PLS1: variants seen among roughly 807,000 people sequenced by gnomAD.
The protein encoded by PLS1 is plastin 1.
In PLS1, 32 loss-of-function variants were observed where a neutral mutation model predicts 73.7. The ratio of observed to expected loss-of-function variants is 0.43; its 90% CI spans 0.33 to 0.58. PLS1 has a LOEUF of 0.58. Ranked by LOEUF, PLS1 falls within the 20% of genes least tolerant of loss-of-function variation. The pLI, the probability that PLS1 is intolerant of heterozygous loss-of-function variation, is 0.04. For missense variants in PLS1, 633 were observed against 740.5 expected (o/e 0.85, Z 1.68); for synonymous variants, 217 against 261.3 (o/e 0.83, Z 1.63).
chr3:142,697,011 A>G lies in PLS1; in HGVS notation c.1257-942A>G, dbSNP rs139269611. Among the ~76,000 whole-genome samples, 14 of 152,230 alleles carry G rather than the reference A, an allele frequency of 9.2e-5. No homozygotes were observed. In the East Asian group the frequency reaches 2.1e-3, roughly 23 times the overall value. The stretch of plus-strand genomic sequence containing the variant: ...CTCAGAGAATGCAAAGTAATTTAAT[A>G]TGAACCTTAGCGAAACATAACTTAT... On this transcript the variant is annotated intron_variant, in intron 11 of 15. Transcript: ENST00000457734.
At chr3:142,599,476 C>A (rs982811426) in intron 1 of PLS1, among the ~76,000 whole-genome samples, 12 of 151,502 alleles carry the variant, frequency 7.9e-5, no homozygotes, top group Non-Finnish European at 1.5e-4. Context: ...ACTACAGGCG[C>A]CCGCCACCGC....
chr3:142,646,779 C>A (rs2036961634), intron 1 of PLS1, among the ~76,000 whole-genome samples: 1 of 152,208 alleles, frequency 6.6e-6, no homozygotes, highest in Non-Finnish European at 1.5e-5. Context: ...CTAGTTCATT[C>A]CTTTTTTGAT....
intron 1 of PLS1, among the ~76,000 whole-genome samples, chr3:142,620,370 A>C (rs1254672364): frequency 6.6e-6 from 1 of 151,882 alleles, no homozygotes; most frequent in East Asian, 1.9e-4. Context: ...CAGGTTATCC[A>C]CCCGTCTCAG....
rs767193246 is a variant in PLS1, at chr3:142,670,979, A to G, written c.235-14A>G. ...GATTATCTGATTCTCAATTTTACTT[A>G]TGTTCCATTCCAGCTAATGCAAGAA... On this transcript the variant is annotated splice_polypyrimidine_tract_variant and intron_variant, in intron 3 of 15. Transcript: ENST00000457734. 2.6e-5 allele frequency: 40 copies of G among 1,556,598 alleles called. No individual in the cohort carries two copies. The highest frequency in any genetic ancestry group is 3.4e-5 in the Non-Finnish European group (38 of 1,133,864).
rs1933165675 is a variant in PLS1, at chr3:142,712,211, G to A, written c.*204G>A. The A allele has an allele frequency of 2.2e-6, 1 of 445,086 alleles. No homozygotes were observed. The highest frequency in any genetic ancestry group is 2.0e-5 in the African/African-American group (1 of 50,680). 27.6% of individuals were successfully genotyped at this position (445,086 alleles called of 1,614,324 possible). Reference sequence around the variant, plus strand: ...CACAGTTAATTTACCAACTGATACAGATAATAGAATATATTCATAATCAAG... The same window carrying A: ...CACAGTTAATTTACCAACTGATACAAATAATAGAATATATTCATAATCAAG... On this transcript the variant is annotated 3_prime_UTR_variant, in exon 16 of 16. Transcript: ENST00000457734.
At chr3:142,619,346 C>T (rs2036274248) in intron 1 of PLS1, 1 of 152,200 alleles carries the variant, frequency 6.6e-6, no homozygotes, top group South Asian at 2.1e-4. Flanking sequence ...TGCTCCCCTG[C>T]TTCCGCACCT....
At chr3:142,690,360 A>G (rs1482788306) in intron 10 of PLS1, among the ~76,000 whole-genome samples, 1 of 152,158 alleles carries the variant, frequency 6.6e-6, no homozygotes, top group African/African-American at 2.4e-5. Context: ...CTATAAATAT[A>G]TTCATTCTGA....
At chr3:142,604,582 AAAC>A (rs757188743) in intron 1 of PLS1, among the ~76,000 whole-genome samples, 2 of 152,214 alleles carry the variant, frequency 1.3e-5, no homozygotes, top group African/African-American at 2.4e-5. Context: ...GATTTTGGAA[AAAC>A]AACAATAATA....
At chr3:142,634,360 C>A (rs1159833618) in intron 1 of PLS1, among the ~76,000 whole-genome samples, 1 of 152,140 alleles carries the variant, frequency 6.6e-6, no homozygotes, top group African/African-American at 2.4e-5. Flanking sequence ...AGGAAAACTA[C>A]ATCAAAGCAT....
At chr3:142,683,286 C>T (rs949087875) in intron 6 of PLS1, among the ~76,000 whole-genome samples, 29 of 152,262 alleles carry the variant, frequency 1.9e-4, no homozygotes, top group Middle Eastern at 3.4e-3. Flanking sequence ...GGGCAGATTA[C>T]GAGGTCAGGA....
chr3:142,676,161 A>T lies in PLS1; in HGVS notation c.369A>T (p.Glu123Asp). 6.2e-7 allele frequency: 1 copy of T among 1,611,500 alleles called. No homozygotes were observed. The highest frequency in any genetic ancestry group is 8.5e-7 in the Non-Finnish European group (1 of 1,179,250). ...SEGTQHSYSE[E>D]EKVAFVNWIN... ...ACCAAGGTTTTCTCCTTTCAGAGGA[A>T]GAAAAAGTGGCTTTTGTTAACTGGA... The change falls in exon 5 of 16, where the codon GAA becomes GAT. Residue 123 changes from glutamate to aspartate, a missense_variant. Coordinates refer to ENST00000457734, the MANE Select transcript of PLS1 (RefSeq NM_001145319.2).
At chr3:142,666,667 C>G (rs939592412) in intron 2 of PLS1, among the ~76,000 whole-genome samples, 1 of 152,028 alleles carries the variant, frequency 6.6e-6, no homozygotes, top group Non-Finnish European at 1.5e-5. Flanking sequence ...AACATAGTAG[C>G]GGAATTGCTA....
At chr3:142,663,254 A>G (rs974764652) in intron 1 of PLS1, among the ~76,000 whole-genome samples, 1 of 152,172 alleles carries the variant, frequency 6.6e-6, no homozygotes, top group Non-Finnish European at 1.5e-5. Flanking sequence ...AAGGATAAAG[A>G]CAACAAAATT....
chr3:142,692,853 CT>C (rs2038114653), intron 10 of PLS1, among the ~76,000 whole-genome samples: 2 of 151,614 alleles, frequency 1.3e-5, no homozygotes, highest in Admixed American at 1.3e-4. Context: ...ATATATATAT[CT>C]TTATGATAGA....
At chr3:142,607,312 G>A (rs1264329009) in intron 1 of PLS1, among the ~76,000 whole-genome samples, 1 of 151,972 alleles carries the variant, frequency 6.6e-6, no homozygotes, top group Non-Finnish European at 1.5e-5. Flanking sequence ...ACGGAGTCTC[G>A]CTTTGTCACC....
At chr3:142,599,865 TCCC>T (rs944503133) in intron 1 of PLS1, among the ~76,000 whole-genome samples, 2 of 152,082 alleles carry the variant, frequency 1.3e-5, no homozygotes, top group African/African-American at 4.8e-5. Flanking sequence ...AAGTGATCCT[TCCC>T]ACCTCAGCCT....
At position 142,665,312 on chromosome 3, in the gene PLS1, C is replaced by A. The variant is rs867704429; in HGVS notation, c.70+1005C>A. Among the ~76,000 whole-genome samples the A allele has an allele frequency of 2.4e-3, 333 of 136,382 alleles. 1 individual carries two copies. The highest frequency in any genetic ancestry group is 3.2e-3 in the Admixed American group (44 of 13,906). The allele number at this position is 136,382 out of a possible 152,430, so 89.5% of individuals were successfully genotyped here. A position where few individuals can be genotyped will look rare whatever the true frequency, so the allele number is the denominator to read the frequency against. On this transcript the variant is annotated intron_variant, in intron 2 of 15. Transcript: ENST00000457734. ...AAAAGCACTCCAAAAAAAAAAAAAACCAAAAAACTGTGAAACTCAGGAAGC... is the reference window on the plus strand; with the variant it reads ...AAAAGCACTCCAAAAAAAAAAAAAAACAAAAAACTGTGAAACTCAGGAAGC...
chr3:142,657,473 T>A (rs1221985381), intron 1 of PLS1, among the ~76,000 whole-genome samples: 2 of 152,148 alleles, frequency 1.3e-5, no homozygotes, highest in Admixed American at 1.3e-4. Flanking sequence ...AGTGTTATAG[T>A]GTTATTGCTG....
intron 14 of PLS1, among the ~76,000 whole-genome samples, chr3:142,710,587 G>C (rs1219996362): frequency 6.6e-6 from 1 of 152,080 alleles, no homozygotes; most frequent in Non-Finnish European, 1.5e-5. Context: ...TTCACTCCTG[G>C]AACTATGAAT....
Sources: gnomAD v4.1 joint callset for allele counts (sites outside exome capture counted in the v4.1 genomes callset) on GRCh38, gnomAD v4.1.1 for gene constraint, MANE v1.5 for transcripts, NCBI Gene and HGNC (gene_info 2026-07-23, HGNC 2026-07-21) for gene names.